The following CHODL variants were observed in gnomAD, a reference collection of about 807,000 sequenced individuals.
CHODL encodes transmembrane protein MT75.
CHODL carries 29 observed loss-of-function variants against 34.5 expected under a neutral mutation model. The observed-to-expected ratio is 0.84, with a 90% CI of 0.63 to 1.15. The LOEUF (loss-of-function observed/expected upper bound fraction) is 1.15, where lower values mean the gene tolerates loss of function less well. Among genes scored for constraint, CHODL ranks in the 50% most tolerant of loss-of-function variants. The pLI is 0.00. For synonymous variants in CHODL, 125 were observed against 116.1 expected (o/e 1.08, Z -0.49); for missense variants, 332 against 332.5 (o/e 1.00, Z 0.01).
rs992753164 is a variant in CHODL, at chr21:18,199,144, A to T, written c.-44-57365A>T. Among the ~76,000 whole-genome samples, 4 of 152,124 alleles carry T rather than the reference A, an allele frequency of 2.6e-5. No homozygotes were observed. The South Asian group carries it at 8.3e-4, about 31-fold the overall frequency. ...ATTTGATTTATTTGTCAGCTTTTAG[A>T]TATCATAGTAACAGAACTCCAGAAA... On this transcript the variant is annotated intron_variant, in intron 2 of 6. Coordinates refer to the CHODL transcript ENST00000400127.
Position 18,200,433 on chromosome 21 carries a change from T to G in CHODL, c.-44-56076T>G, listed in dbSNP as rs184062129. ...TGTTTCTTTCACAAGGAAAGTACTT[T>G]TATCTGTGGAAGTCTTTCTCTTTTT... On this transcript the variant is annotated intron_variant, in intron 2 of 6. Coordinates refer to the CHODL transcript ENST00000400127. Among the ~76,000 whole-genome samples, 499 of 152,350 alleles carry G rather than the reference T, an allele frequency of 3.3e-3. 7 individuals are homozygous for G. Among genetic ancestry groups the G allele is most frequent in the African/African-American group, 0.012 (484 of 41,586 alleles).
intron 2 of CHODL, among the ~76,000 whole-genome samples, chr21:18,239,546 A>G (rs566416189): frequency 6.6e-6 from 1 of 152,092 alleles, no homozygotes; most frequent in South Asian, 2.1e-4. Context: ...CATTTGATAT[A>G]TTTGGAGAAA....
At chr21:18,090,355 C>T (rs942436911) in intron 2 of CHODL, among the ~76,000 whole-genome samples, 3 of 152,008 alleles carry the variant, frequency 2.0e-5, no homozygotes, top group African/African-American at 7.2e-5. Flanking sequence ...ATAGTGGATC[C>T]AAGAGCCTGC....
intron 2 of CHODL, among the ~76,000 whole-genome samples, chr21:18,199,524 T>C (rs1475945341): frequency 6.6e-6 from 1 of 152,128 alleles, no homozygotes; most frequent in Non-Finnish European, 1.5e-5. Flanking sequence ...CACTCTGTAT[T>C]GTGTAGTGTG....
intron 1 of CHODL, among the ~76,000 whole-genome samples, chr21:18,020,790 A>G (rs1199776268): frequency 6.6e-6 from 1 of 152,160 alleles, no homozygotes; most frequent in East Asian, 1.9e-4. Context: ...TAAGGCCCTG[A>G]TCTGAAAGAA....
At chr21:18,194,998 GAATAC>G (rs2073566005) in intron 2 of CHODL, among the ~76,000 whole-genome samples, 2 of 151,560 alleles carry the variant, frequency 1.3e-5, no homozygotes, top group Admixed American at 6.6e-5. Flanking sequence ...CAATTTTCAA[GAATAC>G]AATACATTGT....
intron 1 of CHODL, among the ~76,000 whole-genome samples, chr21:18,252,036 T>G (rs1441016721): frequency 1.3e-5 from 2 of 152,032 alleles, no homozygotes; most frequent in Non-Finnish European, 2.9e-5. Context: ...ATAAATTATC[T>G]TGGATTTTAT....
intron 1 of CHODL, among the ~76,000 whole-genome samples, chr21:18,009,042 A>ATTGCC (rs1460525238): frequency 6.6e-6 from 1 of 152,228 alleles, no homozygotes; most frequent in Non-Finnish European, 1.5e-5. Context: ...AAAAGAGAAA[A>ATTGCC]ATATTGGCAA....
intron 2 of CHODL, among the ~76,000 whole-genome samples, chr21:18,191,272 A>G (rs2073507295): frequency 6.6e-6 from 1 of 152,210 alleles, no homozygotes. Flanking sequence ...TAGCAGAGGC[A>G]GAGGTCTGAA....
intron 1 of CHODL, among the ~76,000 whole-genome samples, chr21:17,970,897 C>A (rs1409854272): frequency 2.6e-5 from 4 of 152,092 alleles, no homozygotes; most frequent in East Asian, 1.9e-4. Flanking sequence ...CCCCACCCCC[C>A]AACAGGCCCT....
At chr21:17,952,631 G>A (rs1381779606) in intron 1 of CHODL, among the ~76,000 whole-genome samples, 1 of 152,132 alleles carries the variant, frequency 6.6e-6, no homozygotes, top group Non-Finnish European at 1.5e-5. Context: ...CTTGAACCTA[G>A]AGGAGAAGAG....
At chr21:18,096,688 C>T (rs1414736000) in intron 2 of CHODL, among the ~76,000 whole-genome samples, 2 of 152,168 alleles carry the variant, frequency 1.3e-5, no homozygotes, top group Non-Finnish European at 2.9e-5. Context: ...AGTGACAATG[C>T]TTGCCCAGTG....
chr21:18,109,744 CA>C (rs1301198685), intron 2 of CHODL, among the ~76,000 whole-genome samples: 1 of 151,762 alleles, frequency 6.6e-6, no homozygotes. Flanking sequence ...TTGCATGCAA[CA>C]AAAATGGACA....
intron 2 of CHODL, among the ~76,000 whole-genome samples, chr21:18,110,240 T>C (rs770499689): frequency 2.0e-5 from 3 of 152,240 alleles, no homozygotes; most frequent in Non-Finnish European, 2.9e-5. Flanking sequence ...TGTGTTTTTA[T>C]GAATTTCCAG....
chr21:17,951,470 T>C (rs1021545936), intron 1 of CHODL, among the ~76,000 whole-genome samples: 7 of 152,210 alleles, frequency 4.6e-5, no homozygotes, highest in Non-Finnish European at 7.3e-5. Flanking sequence ...ATTGCAAGAC[T>C]GTGAGACTGT....
In CHODL at chr21:17,978,237, C is replaced by G. The variant is rs190160888; in HGVS notation, c.-144-49635C>G. Among the ~76,000 whole-genome samples the G allele has an allele frequency of 4.1e-4, 62 of 151,976 alleles. 1 individual carries two copies. The highest frequency in any genetic ancestry group is 8.4e-4 in the Non-Finnish European group (57 of 67,978). On this transcript the variant is annotated intron_variant, in intron 1 of 6. Coordinates refer to the CHODL transcript ENST00000400127. ...AGGAGTTTGAGACCAGCCTGGCCAG[C>G]ATGGTGAAACCCTGTCTCTACTAAA...
intron 1 of CHODL, among the ~76,000 whole-genome samples, chr21:18,005,536 A>C (rs1262643142): frequency 2.0e-5 from 3 of 152,202 alleles, no homozygotes; most frequent in Non-Finnish European, 4.4e-5. Flanking sequence ...AGATCTAAAA[A>C]GGTTTGTGTT....
At chr21:17,977,026 G>C (rs1003621735) in intron 1 of CHODL, among the ~76,000 whole-genome samples, 1 of 152,126 alleles carries the variant, frequency 6.6e-6, no homozygotes, top group Non-Finnish European at 1.5e-5. Context: ...CTGAACCTGG[G>C]GTTGCAAGCT....
intron 2 of CHODL, among the ~76,000 whole-genome samples, chr21:18,181,477 A>G (rs1383103599): frequency 2.0e-5 from 3 of 152,232 alleles, no homozygotes; most frequent in East Asian, 3.9e-4. Context: ...ATCTCGGCTC[A>G]CTGCAAGCTC....
Sources: allele counts gnomAD v4.1 joint callset (sites outside exome capture counted in the v4.1 genomes callset), GRCh38; gene constraint gnomAD v4.1.1; transcripts MANE v1.5; gene names NCBI Gene and HGNC (gene_info 2026-07-23, HGNC 2026-07-21).